Variants in TAB2 observed in about 807,000 individuals in gnomAD.
TAB2 encodes TGF-beta-activated kinase 1 and MAP3K7-binding protein 2.
Under a neutral mutation model 65.0 loss-of-function variants are expected in TAB2, and 3 were observed. The ratio of observed to expected loss-of-function variants is 0.05; its 90% CI spans 0.02 to 0.12. TAB2 has a LOEUF of 0.12. TAB2 is among the 10% of genes least tolerant of loss of function. The probability of loss-of-function intolerance (pLI) is 1.00; values close to 1 mark genes in which losing one functional copy is unlikely to be tolerated. For missense variants in TAB2, 623 were observed against 840.3 expected (o/e 0.74, Z 3.20); for synonymous variants, 298 against 285.1 (o/e 1.05, Z -0.46).
chr6:149,280,954 G>T (rs1282633249), intron 1 of TAB2, among the ~76,000 whole-genome samples: 6 of 145,534 alleles, frequency 4.1e-5, no homozygotes, highest in Admixed American at 6.8e-5. Context: ...AAAAAAAGAA[G>T]TTGAAAGAAT....
Position 149,379,449 on chromosome 6 carries a change from G to A in TAB2, c.1534G>A (p.Ala512Thr). 6.2e-7 allele frequency: 1 copy of A among 1,614,112 alleles called. No individual in the cohort carries two copies. Among genetic ancestry groups the A allele is most frequent in the Non-Finnish European group, 8.5e-7 (1 of 1,180,018 alleles). ...TCAGCACCTCACGGACCCTACATTA[G>A]CACATGTGGATAGAATAAGTGAAAC... Reference protein sequence around the residue: ...NIQHLTDPTLAHVDRISETRK... With the variant: ...NIQHLTDPTLTHVDRISETRK... Residue 512 changes from alanine (A) to threonine (T), a missense_variant, in exon 3 of 7, where the codon GCA (alanine) becomes ACA (threonine). This residue lies in a region of TAB2 where 550 missense variants were observed against 665.7 expected (regional missense o/e 0.83). Coordinates refer to ENST00000637181, the MANE Select transcript of TAB2 (RefSeq NM_001292034.3).
rs184174205 is a variant in TAB2 at position 149,393,685 on chromosome 6, C to A, written c.1604-3919C>A. Among the ~76,000 whole-genome samples, 690 of 152,272 alleles carry A rather than the reference C, an allele frequency of 4.5e-3. 5 individuals are homozygous for A. Among genetic ancestry groups the A allele is most frequent in the African/African-American group, 0.016 (668 of 41,560 alleles). On this transcript the variant is annotated intron_variant, in intron 3 of 6. Transcript: ENST00000637181. ...TGGTGGAGCTGTGACTGGGAGAATG[C>A]TCAACCTTATCCTGGAATGTATACT...
At chr6:149,235,440 T>A (rs1253648138) in intron 1 of TAB2, among the ~76,000 whole-genome samples, 1 of 152,178 alleles carries the variant, frequency 6.6e-6, no homozygotes. Context: ...GGGGATCCTA[T>A]GTGTTTGGTG....
chr6:149,409,762 C>G lies in TAB2; in HGVS notation c.*43C>G, dbSNP rs372125272. 9.8e-5 allele frequency: 158 copies of G among 1,611,692 alleles called. No individual in the cohort carries two copies. The highest frequency in any genetic ancestry group is 1.3e-4 in the Non-Finnish European group (152 of 1,178,152). On this transcript the variant is annotated 3_prime_UTR_variant, in exon 7 of 7. Transcript: ENST00000637181. ...CTTCTCTAAAACCACATCTAAAGTT[C>G]AAGAAACTAGTCTGTCATCGGGAAA...
rs117521576 is a variant in TAB2, at chr6:149,231,248, C to T, written c.-121+12472C>T. On this transcript the variant is annotated intron_variant, in intron 1 of 1. Coordinates refer to the TAB2 transcript ENST00000606202. ...TCCATTTTATTACATATGAAAAGGG[C>T]AGTGGAGCTGATGATTAATAACTAC... Among the ~76,000 whole-genome samples the T allele has an allele frequency of 9.8e-4, 150 of 152,312 alleles. 2 individuals are homozygous for T. The highest frequency in any genetic ancestry group is 3.3e-3 in the East Asian group (17 of 5,192).
chr6:149,371,573 G>A (rs894313679), intron 2 of TAB2, among the ~76,000 whole-genome samples: 7 of 152,170 alleles, frequency 4.6e-5, no homozygotes, highest in Non-Finnish European at 8.8e-5. Context: ...ACAGTTGCTA[G>A]CAGTAACTTA....
chr6:149,322,622 T>C (rs1779492689), intron 1 of TAB2, among the ~76,000 whole-genome samples: 1 of 152,162 alleles, frequency 6.6e-6, no homozygotes. Flanking sequence ...CTGTGTAAAA[T>C]GGATACGATA....
intron 1 of TAB2, among the ~76,000 whole-genome samples, chr6:149,286,944 C>T (rs1778686764): frequency 1.3e-5 from 2 of 152,004 alleles, no homozygotes; most frequent in Admixed American, 6.6e-5. Context: ...GGCAAAACCC[C>T]GTTTCTACTA....
At chr6:149,275,056 G>T (rs1031282867) in intron 1 of TAB2, among the ~76,000 whole-genome samples, 10 of 151,420 alleles carry the variant, frequency 6.6e-5, no homozygotes, top group Non-Finnish European at 1.5e-4. Flanking sequence ...AGAAAACAAA[G>T]AACTGGAGGT....
At chr6:149,355,639 C>A (rs1780630134) in intron 1 of TAB2, among the ~76,000 whole-genome samples, 1 of 148,706 alleles carries the variant, frequency 6.7e-6, no homozygotes. Context: ...TGCACTCCAT[C>A]CTGTGTGACA....
At chr6:149,398,482 A>C (rs138278029) in intron 5 of TAB2, among the ~76,000 whole-genome samples, 1 of 152,316 alleles carries the variant, frequency 6.6e-6, no homozygotes, top group East Asian at 1.9e-4. Flanking sequence ...GAATCTAACC[A>C]AAAGAGAAGT....
intron 5 of TAB2, among the ~76,000 whole-genome samples, 181 bp from the exon 6 acceptor site, chr6:149,398,923 C>T (rs1342886117): frequency 6.6e-6 from 1 of 151,990 alleles, no homozygotes; most frequent in Non-Finnish European, 1.5e-5. Flanking sequence ...CTACATTATA[C>T]CTAAGATAAT....
chr6:149,218,092 T>A (rs144666746), upstream of TAB2: 6 of 152,152 alleles, frequency 3.9e-5, no homozygotes, highest in Non-Finnish European at 8.8e-5. Flanking sequence ...CTGGTATGCA[T>A]CTTATTTGAG....
At chr6:149,294,980 A>G (rs1256803863) in intron 1 of TAB2, among the ~76,000 whole-genome samples, 2 of 152,226 alleles carry the variant, frequency 1.3e-5, no homozygotes, top group African/African-American at 2.4e-5. Flanking sequence ...AGAAAAAGAC[A>G]CAGTCATATC....
chr6:149,328,649 G>A (rs1779688629), intron 1 of TAB2, among the ~76,000 whole-genome samples: 1 of 152,166 alleles, frequency 6.6e-6, no homozygotes, highest in Non-Finnish European at 1.5e-5. Context: ...AGTTCCTGCT[G>A]TGTGCCTGTA....
chr6:149,282,970 A>AT (rs895990785), intron 1 of TAB2, among the ~76,000 whole-genome samples: 7 of 151,874 alleles, frequency 4.6e-5, no homozygotes, highest in African/African-American at 1.7e-4. Context: ...TAGGGGATCA[A>AT]TTTTTTTTTA....
intron 1 of TAB2, among the ~76,000 whole-genome samples, chr6:149,263,168 CA>C (rs1778190150): frequency 2.0e-5 from 3 of 152,132 alleles, no homozygotes; most frequent in Admixed American, 2.0e-4. Context: ...GATCAAATTT[CA>C]TAGTGTATTT....
At chr6:149,334,696 CCTT>C in intron 1 of TAB2, among the ~76,000 whole-genome samples, 1 of 150,472 alleles carries the variant, frequency 6.6e-6, no homozygotes, top group Non-Finnish European at 1.5e-5. Flanking sequence ...AAAAAGAAAA[CCTT>C]AAGAGTAGAA....
At chr6:149,285,537 C>T (rs974558415) in intron 1 of TAB2, among the ~76,000 whole-genome samples, 43 of 152,212 alleles carry the variant, frequency 2.8e-4, no homozygotes, top group Admixed American at 9.8e-4. Flanking sequence ...AGGAATCCTT[C>T]CACCACATAA....
Sources: allele counts gnomAD v4.1 joint callset (sites outside exome capture counted in the v4.1 genomes callset), GRCh38; gene constraint gnomAD v4.1.1; regional missense constraint gnomAD v4.1.1; transcripts MANE v1.5; gene names NCBI Gene and HGNC (gene_info 2026-07-23, HGNC 2026-07-21).